The following NOS1AP variants were observed in gnomAD, a reference collection of about 807,000 sequenced individuals.
The protein encoded by NOS1AP is nitric oxide synthase 1 adaptor protein, also known as carboxyl-terminal PDZ ligand of neuronal nitric oxide synthase protein.
In NOS1AP, 21 loss-of-function variants were observed where a neutral mutation model predicts 56.2. That is an observed-to-expected ratio of 0.37 (90% CI 0.26 to 0.54). NOS1AP has a LOEUF of 0.54. Ranked by LOEUF, NOS1AP falls within the 20% of genes least tolerant of loss-of-function variation. NOS1AP has a pLI of 0.84. For synonymous variants in NOS1AP, 270 were observed against 274.6 expected (o/e 0.98, Z 0.17); for missense variants, 522 against 657.8 (o/e 0.79, Z 2.26).
chr1:162,325,184 C>T (rs1656544113), intron 4 of NOS1AP, among the ~76,000 whole-genome samples: 1 of 152,056 alleles, frequency 6.6e-6, no homozygotes, highest in Non-Finnish European at 1.5e-5. Context: ...GATTAAAAAG[C>T]CCTGTATATA....
At chr1:162,105,829 T>G (rs1293661935) in intron 1 of NOS1AP, among the ~76,000 whole-genome samples, 2 of 152,168 alleles carry the variant, frequency 1.3e-5, no homozygotes, top group Non-Finnish European at 2.9e-5. Flanking sequence ...CCATCCTGAC[T>G]CAGGATGACT....
chr1:162,289,422 C>T (rs1436140785), intron 3 of NOS1AP, among the ~76,000 whole-genome samples: 8 of 151,028 alleles, frequency 5.3e-5, no homozygotes, highest in Admixed American at 5.3e-4. Flanking sequence ...CTCAGCCTCC[C>T]GAGTAGCTGT....
chr1:162,276,724 A>G (rs1654744809), intron 2 of NOS1AP, among the ~76,000 whole-genome samples: 1 of 152,158 alleles, frequency 6.6e-6, no homozygotes. Flanking sequence ...GTAGATAATT[A>G]TTATGCCTTG....
chr1:162,249,199 G>A (rs1170645081), intron 2 of NOS1AP, among the ~76,000 whole-genome samples: 1 of 152,160 alleles, frequency 6.6e-6, no homozygotes, highest in Non-Finnish European at 1.5e-5. Flanking sequence ...GGTGGGACCT[G>A]GAGTGCTTTT....
chr1:162,359,036 A>C (rs1657799892), intron 8 of NOS1AP, among the ~76,000 whole-genome samples: 1 of 152,184 alleles, frequency 6.6e-6, no homozygotes, highest in Non-Finnish European at 1.5e-5. Flanking sequence ...GTCAGTCTCC[A>C]TGGGAAATCC....
chr1:162,336,819 G>A (rs1252515185), intron 5 of NOS1AP, among the ~76,000 whole-genome samples: 1 of 152,218 alleles, frequency 6.6e-6, no homozygotes, highest in Non-Finnish European at 1.5e-5. Flanking sequence ...TGTGTGTGAA[G>A]TGACGTCATC....
chr1:162,103,561 G>A (rs1186930990), intron 1 of NOS1AP, among the ~76,000 whole-genome samples: 1 of 152,140 alleles, frequency 6.6e-6, no homozygotes, highest in Admixed American at 6.5e-5. Flanking sequence ...TACTCTGTGG[G>A]AGTCTAAGTC....
chr1:162,160,123 A>G (rs570698884), intron 2 of NOS1AP, among the ~76,000 whole-genome samples: 41 of 152,318 alleles, frequency 2.7e-4, no homozygotes, highest in African/African-American at 9.4e-4. Flanking sequence ...ACTCAGGGGT[A>G]TCTGGTCTCC....
At chr1:162,091,009 G>C (rs899293873) in intron 1 of NOS1AP, among the ~76,000 whole-genome samples, 10 of 151,950 alleles carry the variant, frequency 6.6e-5, no homozygotes, top group Non-Finnish European at 1.5e-4. Flanking sequence ...TAAAAAGGAG[G>C]GTTGGTTTGG....
chr1:162,072,641 T>G (rs985764141), intron 1 of NOS1AP, among the ~76,000 whole-genome samples: 1 of 152,196 alleles, frequency 6.6e-6, no homozygotes, highest in African/African-American at 2.4e-5. Context: ...AGGCTGACTT[T>G]GAGGACCAGG....
intron 8 of NOS1AP, among the ~76,000 whole-genome samples, chr1:162,359,719 C>G (rs965340637): frequency 6.7e-6 from 1 of 149,002 alleles, no homozygotes; most frequent in Non-Finnish European, 1.5e-5. Context: ...TTTCTCTACG[C>G]GGGGGGGGGC....
intron 4 of NOS1AP, among the ~76,000 whole-genome samples, chr1:162,304,132 T>C (rs889877910): frequency 7.9e-5 from 12 of 152,146 alleles, no homozygotes; most frequent in South Asian, 2.1e-4. Flanking sequence ...GTTGATTCAA[T>C]TTTTTATGTG....
At chr1:162,089,117 T>A (rs1202359369) in intron 1 of NOS1AP, among the ~76,000 whole-genome samples, 1 of 152,164 alleles carries the variant, frequency 6.6e-6, no homozygotes, top group African/African-American at 2.4e-5. Context: ...TTTATTGAGT[T>A]GGCCATTGTC....
In NOS1AP at chr1:162,365,091, T is replaced by TGTGC. The variant is rs879915845; in HGVS notation, c.940-313_940-312insGTGC. On this transcript the variant is annotated intron_variant, in intron 8 of 9. Coordinates refer to ENST00000361897, the MANE Select transcript of NOS1AP (RefSeq NM_014697.3). Reference sequence around the variant, plus strand: ...GTGTGTATATGTGCACGTGTGTGTGTACGTGTGTGTGTGTGGCAGGTCTAG... The same window carrying TGTGC: ...GTGTGTATATGTGCACGTGTGTGTGTGTGCACGTGTGTGTGTGTGGCAGGTCTAG... The TGTGC allele has an allele frequency of 0.14, 182,486 of 1,335,720 alleles. 16,685 individuals carry two copies. The highest frequency in any genetic ancestry group is 0.43 in the African/African-American group (29,156 of 67,298). 82.7% of individuals were successfully genotyped at this position (1,335,720 alleles called of 1,614,324 possible).
Position 162,278,664 on chromosome 1 carries a change from CGTGTGTGTGTGTGTGTGT to C in NOS1AP, c.178-8649_178-8632del, listed in dbSNP as rs57058985. Among the ~76,000 whole-genome samples the C allele has an allele frequency of 1.9e-4, 27 of 143,216 alleles. No homozygotes were observed. The South Asian group carries it at 2.3e-3, about 12-fold the overall frequency. 94.0% of individuals were successfully genotyped at this position (143,216 alleles called of 152,430 possible). Reference sequence around the variant, plus strand: ...TACTAGGAAACGTTTACTCCTTCTACGTGTGTGTGTGTGTGTGTGTGTGTGTGTGTGTGTGTGTGTGTG... The same window carrying C: ...TACTAGGAAACGTTTACTCCTTCTACGTGTGTGTGTGTGTGTGTGTGTGTG... On this transcript the variant is annotated intron_variant, in intron 2 of 9. Transcript: ENST00000361897.
At chr1:162,072,278 A>G (rs146040355) in intron 1 of NOS1AP, among the ~76,000 whole-genome samples, 19 of 152,290 alleles carry the variant, frequency 1.2e-4, no homozygotes, top group Non-Finnish European at 2.8e-4. Context: ...AGGACTATGT[A>G]CCTTTAACGA....
intron 2 of NOS1AP, among the ~76,000 whole-genome samples, chr1:162,210,117 C>G (rs1557833821): frequency 6.6e-6 from 1 of 152,160 alleles, no homozygotes; most frequent in Admixed American, 6.5e-5. Flanking sequence ...GTCTGAAAGA[C>G]TGATTATATG....
At chr1:162,118,809 G>A (rs1648077033) in intron 1 of NOS1AP, among the ~76,000 whole-genome samples, 1 of 152,190 alleles carries the variant, frequency 6.6e-6, no homozygotes, top group South Asian at 2.1e-4. Flanking sequence ...TGAGGTAGAG[G>A]TAGGGGTGTG....
At position 162,070,465 on chromosome 1, in the gene NOS1AP, G is replaced by T. The variant is rs191545400; in HGVS notation, c.105+183G>T. On this transcript the variant is annotated intron_variant, in intron 1 of 9. Transcript: ENST00000361897. ...ATTCCGCGGGCTCCTGCCCAGAACT[G>T]CTCAAGAGCAACTGCAAAGTTTGAG... Among the ~76,000 whole-genome samples, 217 of 152,310 alleles carry T rather than the reference G, an allele frequency of 1.4e-3. 1 individual carries two copies. The highest frequency in any genetic ancestry group is 4.9e-3 in the African/African-American group (205 of 41,566).
Sources: gnomAD v4.1 joint callset for allele counts (sites outside exome capture counted in the v4.1 genomes callset) on GRCh38, gnomAD v4.1.1 for gene constraint, MANE v1.5 for transcripts, NCBI Gene and HGNC (gene_info 2026-07-23, HGNC 2026-07-21) for gene names.